The following RBM10 variants were observed in gnomAD, a reference collection of about 807,000 sequenced individuals.
The protein encoded by RBM10 is RNA-binding protein 10.
RBM10 carries 1 observed loss-of-function variant against 84.9 expected under a neutral mutation model. The ratio of observed to expected loss-of-function variants is 0.01; its 90% CI spans 0.00 to 0.06. The LOEUF is 0.06. Among genes scored for constraint, RBM10 ranks in the 10% least tolerant of loss-of-function variants. RBM10 has a pLI of 1.00. For synonymous variants in RBM10, 326 were observed against 344.5 expected (o/e 0.95, Z 0.60); for missense variants, 438 against 839.0 (o/e 0.52, Z 5.90).
intron 2 of RBM10, 108 bp from the exon 3 acceptor site, chrX:47,169,207 T>C: frequency 1.4e-6 from 1 of 692,622 alleles, no homozygotes; most frequent in Non-Finnish European, 2.2e-6. Context: ...TTCTGTTGTA[T>C]GCTCCTCCAA....
intron 6 of RBM10, among the ~76,000 whole-genome samples, chrX:47,176,091 G>A (rs921878111): frequency 1.8e-5 from 2 of 112,327 alleles, no homozygotes; most frequent in Admixed American, 9.3e-5. Context: ...GCGCACCTGC[G>A]CTCTCTTTCT....
At chrX:47,148,403 A>G (rs900101145) in intron 2 of RBM10, among the ~76,000 whole-genome samples, 1 of 111,883 alleles carries the variant, frequency 8.9e-6, no homozygotes, top group Non-Finnish European at 1.9e-5. Context: ...TTCAAACTTT[A>G]TTACCAAGTA....
In RBM10 at chrX:47,182,057, C is replaced by G; in HGVS notation, c.1785+15C>G. 8.3e-7 allele frequency: 1 copy of G among 1,211,543 alleles called. No individual in the cohort carries two copies. Among genetic ancestry groups the G allele is most frequent in the Non-Finnish European group, 1.1e-6 (1 of 895,421 alleles). On this transcript the variant is annotated intron_variant, in intron 16 of 23. Coordinates refer to ENST00000377604, the MANE Select transcript of RBM10 (RefSeq NM_005676.5). ...CCAACTCCCAGGTAATAGGGCAGCC[C>G]AGGGAGGGATGGGATCGGGTCAGGT... is the stretch of plus-strand genomic sequence containing the variant.
At chrX:47,156,698 C>G (rs781825294) in intron 2 of RBM10, 1 of 165,771 alleles carries the variant, frequency 6.0e-6, no homozygotes, top group East Asian at 2.5e-4. Flanking sequence ...AGCTGGGCGA[C>G]ATACTGGTGG....
At chrX:47,155,162 A>G (rs1314927695) in intron 2 of RBM10, among the ~76,000 whole-genome samples, 1 of 107,859 alleles carries the variant, frequency 9.3e-6, no homozygotes, top group Non-Finnish European at 1.9e-5. Context: ...AAAAAAAAAA[A>G]AAAAAAGAGT....
intron 8 of RBM10, 53 bp from the exon 9 acceptor site, chrX:47,179,266 C>T (rs1935359837): frequency 8.5e-7 from 1 of 1,182,918 alleles, no homozygotes. Context: ...GGAGGGTGAC[C>T]AGTCGTGGAG....
chrX:47,163,978 C>T (rs1933962319), intron 2 of RBM10, among the ~76,000 whole-genome samples: 1 of 104,436 alleles, frequency 9.6e-6, no homozygotes, highest in South Asian at 4.3e-4. Flanking sequence ...ACGCCATTCT[C>T]CTGCCTCAGC....
intron 6 of RBM10, among the ~76,000 whole-genome samples, chrX:47,175,418 G>C (rs1489851857): frequency 9.0e-6 from 1 of 110,567 alleles, no homozygotes; most frequent in African/African-American, 3.3e-5. Flanking sequence ...CTCCCCCGGG[G>C]CTGGTGGGGG....
chrX:47,165,789 AG>A (rs1769145797), intron 2 of RBM10, among the ~76,000 whole-genome samples: 1 of 111,195 alleles, frequency 9.0e-6, no homozygotes, highest in Admixed American at 9.6e-5. Context: ...TGGGAGACCA[AG>A]GTGGGCAGAT....
rs2147186093 is a variant in RBM10, at chrX:47,181,376, A to G, written c.1410A>G (p.Gly470=). 2 of 1,207,147 alleles carry G rather than the reference A, an allele frequency of 1.7e-6. No homozygotes were observed. Among genetic ancestry groups the G allele is most frequent in the South Asian group, 3.6e-5 (2 of 56,315 alleles). ...LKGTKGPGIT[G]TKGDPTGAGP... ...GCACCAAGGGCCCTGGCATCACTGG[A>G]ACCAAAGGGGATCCCACTGGAGCAG... Residue 470 remains glycine, a synonymous_variant, in exon 13 of 24, where the codon GGA becomes GGG. Transcript: ENST00000377604.
rs1556778659 is a variant in RBM10 at position 47,180,524 on chromosome X, G to A, written c.1248+18G>A. The A allele has an allele frequency of 1.7e-6, 2 of 1,207,328 alleles. No homozygotes were observed. Among genetic ancestry groups the A allele is most frequent in the South Asian group, 1.8e-5 (1 of 56,254 alleles). On this transcript the variant is annotated intron_variant, in intron 12 of 23. Coordinates refer to ENST00000377604, the MANE Select transcript of RBM10 (RefSeq NM_005676.5). ...TCTCACAGGTACTCAGACCCCTTGT[G>A]CCTCCCAGCGTCCTGAGACCTGGGC...
intron 2 of RBM10, among the ~76,000 whole-genome samples, chrX:47,149,781 G>A (rs1932645889): frequency 9.1e-6 from 1 of 109,439 alleles, no homozygotes; most frequent in Non-Finnish European, 1.9e-5. Context: ...TCCCCCAAGA[G>A]TAGATGCCTG....
intron 2 of RBM10, among the ~76,000 whole-genome samples, chrX:47,160,856 T>C (rs544023855): frequency 5.2e-4 from 59 of 112,574 alleles, no homozygotes; most frequent in African/African-American, 1.7e-3. Context: ...ATTTTTGGCA[T>C]TGCATTGCAG....
rs143128508 is a variant in RBM10, at chrX:47,185,342, C to A, written c.2141C>A (p.Pro714Gln). 1.7e-5 allele frequency: 21 copies of A among 1,205,711 alleles called. No homozygotes were observed. Among genetic ancestry groups the A allele is most frequent in the Non-Finnish European group, 2.2e-5 (20 of 892,869 alleles). Reference protein sequence around the residue: ...AERQHTSMDLPKLASDDRPSP... With the variant: ...AERQHTSMDLQKLASDDRPSP... ...AGACAGCACACCAGCATGGATCTCCCGAAATTGGCCAGTGACGACCGCCCA... is the reference window on the plus strand; with the variant it reads ...AGACAGCACACCAGCATGGATCTCCAGAAATTGGCCAGTGACGACCGCCCA... The change falls in exon 19 of 24, where the codon CCG (proline) becomes CAG (glutamine). Residue 714 changes from proline (P) to glutamine (Q), a missense_variant. Physicochemically the swap from Pro to Gln is moderately conservative, Grantham distance 76. Around this residue, in one of 8 missense-constraint regions of RBM10, gnomAD observed 21 missense variants for 16.1 expected, o/e 1.30. Coordinates refer to ENST00000377604, the MANE Select transcript of RBM10 (RefSeq NM_005676.5).
chrX:47,171,041 C>T lies in RBM10; in HGVS notation c.215C>T (p.Ala72Val). Reference protein sequence around the residue: ...EEQSAEDSYEASPGSETQRRR... With the variant: ...EEQSAEDSYEVSPGSETQRRR... ...TCTGTCGGCCAGGATTCCTACGAGGCCTCCCCGGGCTCCGAGACTCAGCGT... is the reference window on the plus strand; with the variant it reads ...TCTGTCGGCCAGGATTCCTACGAGGTCTCCCCGGGCTCCGAGACTCAGCGT... Residue 72 changes from alanine (A) to valine (V), a missense_variant, in exon 4 of 24, where the codon GCC (alanine) becomes GTC (valine). Ala to Val is a moderately conservative substitution (Grantham distance 64). Coordinates refer to ENST00000377604, the MANE Select transcript of RBM10 (RefSeq NM_005676.5). The T allele has an allele frequency of 8.3e-7, 1 of 1,211,095 alleles. No individual in the cohort carries two copies. The highest frequency in any genetic ancestry group is 1.1e-6 in the Non-Finnish European group (1 of 895,080).
In RBM10 at chrX:47,152,441, CTTTTTT is replaced by C. The variant is rs782688935; in HGVS notation, c.17+4963_17+4968del. Among the ~76,000 whole-genome samples, 62 of 65,236 alleles carry C rather than the reference CTTTTTT, an allele frequency of 9.5e-4. 1 individual carries two copies. The highest frequency in any genetic ancestry group is 4.0e-3 in the African/African-American group (55 of 13,886). The allele number at this position is 65,236 out of a possible 115,157, so 56.6% of individuals were successfully genotyped here. A position where few individuals can be genotyped will look rare whatever the true frequency, so the allele number is the denominator to read the frequency against. The stretch of plus-strand genomic sequence containing the variant: ...CCACATTTGCTCTATCACTCTATAT[CTTTTTT>C]TTTTTTTTTTTTTTTTTTTGAGACG... On this transcript the variant is annotated intron_variant, in intron 2 of 23. Transcript: ENST00000377604.
intron 2 of RBM10, among the ~76,000 whole-genome samples, chrX:47,167,378 CTTTT>C (rs59244074): frequency 1.1e-5 from 1 of 88,505 alleles, no homozygotes; most frequent in African/African-American, 4.1e-5. Context: ...GATTTCATTT[CTTTT>C]TTTTTTTTTT....
intron 1 of RBM10, among the ~76,000 whole-genome samples, chrX:47,146,287 C>CT (rs2147060052): frequency 9.0e-6 from 1 of 110,838 alleles, no homozygotes; most frequent in African/African-American, 3.3e-5. Flanking sequence ...TTTTTGTGCT[C>CT]TCAGACGCCA....
At chrX:47,171,002 G>A in intron 3 of RBM10, 26 bp from the exon 4 acceptor site, 1 of 1,199,441 alleles carries the variant, frequency 8.3e-7, no homozygotes, top group Non-Finnish European at 1.1e-6. Context: ...CCCGTCTGGT[G>A]TCACTCATCT....
Sources: allele counts gnomAD v4.1 joint callset (sites outside exome capture counted in the v4.1 genomes callset), GRCh38; gene constraint gnomAD v4.1.1; regional missense constraint gnomAD v4.1.1; transcripts MANE v1.5; gene names NCBI Gene and HGNC (gene_info 2026-07-23, HGNC 2026-07-21).